SLMAP: variants seen among roughly 807,000 people sequenced by gnomAD.
SLMAP encodes sarcolemma associated protein.
A neutral mutation model predicts 128.8 loss-of-function variants in SLMAP; 44 were observed. The observed-to-expected ratio is 0.34, with a 90% CI of 0.27 to 0.44. The LOEUF (loss-of-function observed/expected upper bound fraction) is 0.44. Ranked by LOEUF, SLMAP falls within the 20% of genes least tolerant of loss-of-function variation. The pLI is 1.00. For synonymous variants in SLMAP, 327 were observed against 348.8 expected (o/e 0.94, Z 0.70); for missense variants, 787 against 985.3 (o/e 0.80, Z 2.69).
intron 2 of SLMAP, among the ~76,000 whole-genome samples, chr3:57,816,816 C>T (rs2091911974): frequency 6.6e-6 from 1 of 152,172 alleles, no homozygotes; most frequent in Non-Finnish European, 1.5e-5. Context: ...TTAAACTGAA[C>T]TTCAGAAAGA....
intron 14 of SLMAP, among the ~76,000 whole-genome samples, chr3:57,882,174 AT>A (rs2095761522): frequency 6.6e-6 from 1 of 152,176 alleles, no homozygotes; most frequent in Non-Finnish European, 1.5e-5. Context: ...CAATTGATTC[AT>A]TCTACAAAGA....
intron 22 of SLMAP, among the ~76,000 whole-genome samples, chr3:57,919,444 T>A (rs1275233018): frequency 6.6e-6 from 1 of 151,982 alleles, no homozygotes; most frequent in African/African-American, 2.4e-5. Flanking sequence ...ATATCATCTT[T>A]ATATTTGACT....
chr3:57,916,237 G>T (rs2096809077), intron 21 of SLMAP, among the ~76,000 whole-genome samples: 1 of 152,084 alleles, frequency 6.6e-6, no homozygotes, highest in African/African-American at 2.4e-5. Context: ...CTGTTATTTG[G>T]CAGTGAAGGG....
rs895072928 is a variant in SLMAP, at chr3:57,872,082, T to C, written c.1300+384T>C. Among the ~76,000 whole-genome samples the C allele has an allele frequency of 6.6e-5, 10 of 152,286 alleles. 1 individual carries two copies. The South Asian group carries it at 1.7e-3, about 25-fold the overall frequency. On this transcript the variant is annotated intron_variant, in intron 14 of 24. Coordinates refer to ENST00000671191, the MANE Select transcript of SLMAP (RefSeq NM_001377540.1). ...TTTTAGAGAGGTAGTAGCAGTAGATTGTCCTACAATCTGACCTCCACTGCC... is the reference window on the plus strand; with the variant it reads ...TTTTAGAGAGGTAGTAGCAGTAGATCGTCCTACAATCTGACCTCCACTGCC...
intron 2 of SLMAP, among the ~76,000 whole-genome samples, chr3:57,802,581 A>T (rs150046769): frequency 1.3e-3 from 194 of 152,304 alleles, no homozygotes; most frequent in African/African-American, 4.0e-3. Flanking sequence ...TTTGTCTGTA[A>T]CAGATTTGCA....
At chr3:57,923,456 C>T (rs2153708640) in intron 23 of SLMAP, among the ~76,000 whole-genome samples, 1 of 152,318 alleles carries the variant, frequency 6.6e-6, no homozygotes, top group South Asian at 2.1e-4. Context: ...TTCTAAAAAG[C>T]TTAATGTCTC....
In SLMAP at chr3:57,860,764, G is replaced by A; in HGVS notation, c.753G>A (p.Glu251=). The change falls in exon 9 of 25, where the codon GAG becomes GAA. Residue 251 remains glutamate, a synonymous_variant. Coordinates refer to ENST00000671191, the MANE Select transcript of SLMAP (RefSeq NM_001377540.1). The part of the protein sequence containing the change: ...IALQEDKHNY[E]TTAKESLRRV... ...TACAAGAGGATAAACATAACTATGA[G>A]ACAACAGCCAAAGAGTCCCTGAGGC... 6.3e-7 allele frequency: 1 copy of A among 1,598,458 alleles called. No homozygotes were observed. The highest frequency in any genetic ancestry group is 8.5e-7 in the Non-Finnish European group (1 of 1,175,974).
chr3:57,826,340 T>C (rs1382377774), intron 2 of SLMAP, among the ~76,000 whole-genome samples: 1 of 152,212 alleles, frequency 6.6e-6, no homozygotes, highest in Admixed American at 6.5e-5. Context: ...AAAGATACTA[T>C]TCTGCTCCTT....
intron 2 of SLMAP, among the ~76,000 whole-genome samples, chr3:57,766,305 C>T (rs1162821865): frequency 6.6e-6 from 1 of 151,840 alleles, no homozygotes; most frequent in Non-Finnish European, 1.5e-5. Flanking sequence ...CGTGAGCCAC[C>T]ACACCCAGTC....
At chr3:57,765,045 TA>T (rs1314644697) in intron 2 of SLMAP, among the ~76,000 whole-genome samples, 1 of 151,946 alleles carries the variant, frequency 6.6e-6, no homozygotes, top group African/African-American at 2.4e-5. Flanking sequence ...AACTAGACCT[TA>T]GGACTTTTAA....
chr3:57,768,971 A>G (rs1162004627), intron 2 of SLMAP, among the ~76,000 whole-genome samples: 1 of 152,106 alleles, frequency 6.6e-6, no homozygotes, highest in East Asian at 1.9e-4. Flanking sequence ...GCGTGAGCCA[A>G]TTCCATTAGA....
intron 15 of SLMAP, among the ~76,000 whole-genome samples, chr3:57,895,329 T>C (rs751026180): frequency 1.1e-4 from 16 of 151,948 alleles, no homozygotes; most frequent in South Asian, 2.1e-4. Flanking sequence ...AAAACTTTTT[T>C]TTTCTTTCTT....
rs1464105887 is a variant in SLMAP, at chr3:57,858,568, C to G, written c.687+409C>G. ...GGTATTGTGTTCTTCCACCAAGGGA[C>G]AACATAATGTCTAGTTGTCTTTCTT... On this transcript the variant is annotated intron_variant, in intron 8 of 24. Coordinates refer to ENST00000671191, the MANE Select transcript of SLMAP (RefSeq NM_001377540.1). Among the ~76,000 whole-genome samples the G allele has an allele frequency of 7.9e-5, 12 of 152,166 alleles. No homozygotes were observed. In the South Asian group the frequency reaches 2.1e-3, roughly 26 times the overall value.
chr3:57,891,019 A>G (rs1364026524), intron 15 of SLMAP: 3 of 152,190 alleles, frequency 2.0e-5, no homozygotes, highest in Admixed American at 1.3e-4. Context: ...AATATGCATC[A>G]TTAATATTGT....
intron 13 of SLMAP, among the ~76,000 whole-genome samples, chr3:57,870,155 C>A (rs2095446622): frequency 1.3e-5 from 2 of 151,786 alleles, no homozygotes; most frequent in South Asian, 4.2e-4. Flanking sequence ...TTTGTAAAGT[C>A]CTTTAGTTAA....
chr3:57,839,434 ATT>A (rs1189313640), intron 3 of SLMAP, among the ~76,000 whole-genome samples: 11 of 82,868 alleles, frequency 1.3e-4, no homozygotes, highest in Middle Eastern at 0.012. Context: ...CATTAGCTCT[ATT>A]TTTTTTTTTT....
intron 15 of SLMAP, among the ~76,000 whole-genome samples, chr3:57,891,829 G>A (rs531857589): frequency 1.3e-4 from 20 of 152,026 alleles, no homozygotes; most frequent in Admixed American, 6.6e-4. Context: ...CACCCGCCTC[G>A]GCCTCCCAAA....
intron 20 of SLMAP, 127 bp from the exon 21 acceptor site, chr3:57,913,031 A>G (rs1036528858): frequency 3.5e-5 from 19 of 548,242 alleles, no homozygotes; most frequent in Non-Finnish European, 4.9e-5. Flanking sequence ...ATAATTAACC[A>G]TGTAAAATCT....
At chr3:57,894,572 G>A (rs2096187973) in intron 15 of SLMAP, among the ~76,000 whole-genome samples, 1 of 152,028 alleles carries the variant, frequency 6.6e-6, no homozygotes, top group Non-Finnish European at 1.5e-5. Context: ...ATCTCACTAA[G>A]GAAAGAAGAT....
Sources: allele counts gnomAD v4.1 joint callset (sites outside exome capture counted in the v4.1 genomes callset), GRCh38; gene constraint gnomAD v4.1.1; transcripts MANE v1.5; gene names NCBI Gene and HGNC (gene_info 2026-07-23, HGNC 2026-07-21).